The following STIM1 variants were observed in gnomAD, a reference collection of about 807,000 sequenced individuals.
The protein encoded by STIM1 is stromal interaction molecule 1.
In STIM1, 25 loss-of-function variants were observed where a neutral mutation model predicts 74.7. The ratio of observed to expected loss-of-function variants is 0.33; its 90% CI spans 0.24 to 0.47. The LOEUF is 0.47. Among genes scored for constraint, STIM1 ranks in the 20% least tolerant of loss-of-function variants. STIM1 has a pLI of 1.00. For synonymous variants in STIM1, 328 were observed against 348.8 expected (o/e 0.94, Z 0.66); for missense variants, 728 against 920.8 (o/e 0.79, Z 2.71).
chr11:4,023,512 A>G (rs2093975167), intron 2 of STIM1, among the ~76,000 whole-genome samples: 1 of 152,194 alleles, frequency 6.6e-6, no homozygotes, highest in South Asian at 2.1e-4. Flanking sequence ...AAATTCTTAG[A>G]ATATTGCCTA....
chr11:3,928,446 T>G (rs1273014606), intron 1 of STIM1, among the ~76,000 whole-genome samples: 1 of 152,068 alleles, frequency 6.6e-6, no homozygotes, highest in African/African-American at 2.4e-5. Flanking sequence ...AGGCTGGTCT[T>G]GAACTCCTGA....
chr11:3,991,167 T>C (rs2093607078), intron 2 of STIM1, among the ~76,000 whole-genome samples: 1 of 140,546 alleles, frequency 7.1e-6, no homozygotes, highest in Non-Finnish European at 1.6e-5. Context: ...TTTCTTTCCT[T>C]TCTTTTTTTT....
chr11:3,962,924 GT>G (rs955346288), intron 1 of STIM1, among the ~76,000 whole-genome samples: 1 of 151,922 alleles, frequency 6.6e-6, no homozygotes, highest in Non-Finnish European at 1.5e-5. Context: ...AAAAATTTGT[GT>G]TTTACTTTCC....
At chr11:3,862,212 T>G (rs2090640351) in intron 1 of STIM1, among the ~76,000 whole-genome samples, 1 of 152,100 alleles carries the variant, frequency 6.6e-6, no homozygotes, top group Admixed American at 6.5e-5. Context: ...AAGCAGGAAA[T>G]CATCCCAAGA....
chr11:3,869,408 C>G (rs140660622), intron 1 of STIM1, among the ~76,000 whole-genome samples: 10 of 152,242 alleles, frequency 6.6e-5, no homozygotes, highest in Non-Finnish European at 1.2e-4. Flanking sequence ...TACTGATAGT[C>G]TTGTTGGCAG....
At chr11:3,964,756 G>A (rs2093323841) in intron 1 of STIM1, among the ~76,000 whole-genome samples, 1 of 147,408 alleles carries the variant, frequency 6.8e-6, no homozygotes. Context: ...GCAGGGTCTC[G>A]CTCTGTTGCC....
intron 1 of STIM1, among the ~76,000 whole-genome samples, chr11:3,869,673 G>T (rs1014571049): frequency 1.3e-5 from 2 of 152,196 alleles, no homozygotes; most frequent in Non-Finnish European, 2.9e-5. Context: ...AAATTGTCAG[G>T]CTACTTGATT....
chr11:3,891,660 CTTCAT>C (rs1381234917), intron 1 of STIM1, among the ~76,000 whole-genome samples: 1 of 152,088 alleles, frequency 6.6e-6, no homozygotes, highest in Non-Finnish European at 1.5e-5. Context: ...GGCTGTTACT[CTTCAT>C]TTCATTAAAA....
chr11:3,939,836 G>T (rs2092983109), intron 1 of STIM1, among the ~76,000 whole-genome samples: 1 of 152,186 alleles, frequency 6.6e-6, no homozygotes, highest in African/African-American at 2.4e-5. Flanking sequence ...CTTTCTCTGA[G>T]CACCTTTTGG....
chr11:3,912,450 C>T (rs1331394771), intron 1 of STIM1, among the ~76,000 whole-genome samples: 4 of 151,566 alleles, frequency 2.6e-5, no homozygotes, highest in Admixed American at 6.6e-5. Flanking sequence ...CTGCAACCTC[C>T]GCCTCCCAGA....
chr11:3,964,316 G>A (rs1421411819), intron 1 of STIM1, among the ~76,000 whole-genome samples: 4 of 152,232 alleles, frequency 2.6e-5, no homozygotes, highest in African/African-American at 9.6e-5. Flanking sequence ...CAGAGAGACT[G>A]CTTAGGACAT....
intron 6 of STIM1, among the ~76,000 whole-genome samples, chr11:4,071,164 A>G (rs1166046637): frequency 6.6e-6 from 1 of 152,138 alleles, no homozygotes; most frequent in Non-Finnish European, 1.5e-5. Context: ...AGTTAGTAGG[A>G]TGCAGAAGGC....
chr11:4,086,474 C>T lies in STIM1; in HGVS notation c.1568-3C>T, dbSNP rs1382037379. On this transcript the variant is annotated splice_polypyrimidine_tract_variant and splice_region_variant and intron_variant, in intron 11 of 12. Coordinates refer to ENST00000526596, the MANE Select transcript of STIM1 (RefSeq NM_001382567.1). The stretch of plus-strand genomic sequence containing the variant: ...CCTGACACTTTCTTTATTCTCCTTG[C>T]AGCCCCTAGCCTGCAGAGCAGTGTT... 1 of 1,613,816 alleles carries T rather than the reference C, an allele frequency of 6.2e-7. No homozygotes were observed. The highest frequency in any genetic ancestry group is 8.5e-7 in the Non-Finnish European group (1 of 1,179,978).
chr11:4,050,627 G>A (rs2094232096), intron 3 of STIM1, among the ~76,000 whole-genome samples: 1 of 152,144 alleles, frequency 6.6e-6, no homozygotes, highest in Non-Finnish European at 1.5e-5. Context: ...AGTACATTAT[G>A]TCCTAAAATT....
chr11:3,869,050 G>A (rs1325597039), intron 1 of STIM1, among the ~76,000 whole-genome samples: 2 of 151,886 alleles, frequency 1.3e-5, no homozygotes, highest in African/African-American at 4.8e-5. Context: ...CTCATTGCAA[G>A]CCCTGCCTCC....
At chr11:3,966,156 A>G (rs2093339003) in intron 1 of STIM1, among the ~76,000 whole-genome samples, 1 of 152,220 alleles carries the variant, frequency 6.6e-6, no homozygotes, top group Non-Finnish European at 1.5e-5. Context: ...CAGTGGTGAA[A>G]ATGGAATTTT....
chr11:4,035,746 T>C (rs1316824613), intron 3 of STIM1, among the ~76,000 whole-genome samples: 2 of 152,114 alleles, frequency 1.3e-5, no homozygotes, highest in Admixed American at 6.6e-5. Context: ...TTCTTTCATG[T>C]CCTAGGACAT....
intron 4 of STIM1, 44 bp from the exon 5 acceptor site, chr11:4,059,237 G>C (rs1182969838): frequency 6.5e-7 from 1 of 1,547,718 alleles, no homozygotes; most frequent in South Asian, 1.1e-5. Flanking sequence ...ATCCTTCCTG[G>C]CTTTACTGGG....
intron 2 of STIM1, among the ~76,000 whole-genome samples, chr11:4,002,773 C>T (rs1218685529): frequency 6.7e-6 from 1 of 149,272 alleles, no homozygotes; most frequent in Admixed American, 6.7e-5. Context: ...CACAAAAAAC[C>T]CTTCAAAAAA....
Sources: gnomAD v4.1 joint callset for allele counts (sites outside exome capture counted in the v4.1 genomes callset) on GRCh38, gnomAD v4.1.1 for gene constraint, MANE v1.5 for transcripts, NCBI Gene and HGNC (gene_info 2026-07-23, HGNC 2026-07-21) for gene names.